FAF1: variants seen among roughly 807,000 people sequenced by gnomAD.
FAF1 encodes Fas associated factor 1, also known as FAS-associated factor 1.
FAF1 carries 25 observed loss-of-function variants against 92.5 expected under a neutral mutation model. The ratio of observed to expected loss-of-function variants is 0.27; its 90% CI spans 0.20 to 0.38. FAF1 has a LOEUF of 0.38. FAF1 is among the 10% of genes least tolerant of loss of function. The pLI is 1.00. For missense variants in FAF1, 636 were observed against 793.3 expected (o/e 0.80, Z 2.38); for synonymous variants, 234 against 273.2 (o/e 0.86, Z 1.42).
At chr1:50,737,285 C>T (rs1180381097) in intron 6 of FAF1, among the ~76,000 whole-genome samples, 1 of 152,152 alleles carries the variant, frequency 6.6e-6, no homozygotes, top group Non-Finnish European at 1.5e-5. Flanking sequence ...CTAAGGTCAG[C>T]TACATGGCAA....
chr1:50,510,026 G>A (rs1282366804), intron 15 of FAF1, among the ~76,000 whole-genome samples: 2 of 151,852 alleles, frequency 1.3e-5, no homozygotes, highest in Non-Finnish European at 2.9e-5. Context: ...AAAATTAGCC[G>A]GGTGTGGCGG....
chr1:50,522,539 A>C (rs765272744), intron 15 of FAF1, among the ~76,000 whole-genome samples: 13 of 152,178 alleles, frequency 8.5e-5, no homozygotes, highest in Non-Finnish European at 1.8e-4. Context: ...TTCCCTACAA[A>C]ATAAAAGTTT....
At chr1:50,571,176 T>C (rs1260965457) in intron 12 of FAF1, among the ~76,000 whole-genome samples, 3 of 152,202 alleles carry the variant, frequency 2.0e-5, no homozygotes, top group Admixed American at 6.5e-5. Context: ...AATGATAATA[T>C]TGGGGCATTA....
intron 7 of FAF1, among the ~76,000 whole-genome samples, chr1:50,655,977 A>G (rs1486466327): frequency 1.3e-5 from 2 of 152,196 alleles, no homozygotes; most frequent in Non-Finnish European, 2.9e-5. Context: ...CAGGGGAGGA[A>G]AAACCTAAAA....
At chr1:50,688,328 C>T (rs562173942) in intron 7 of FAF1, among the ~76,000 whole-genome samples, 5 of 152,180 alleles carry the variant, frequency 3.3e-5, no homozygotes, top group East Asian at 1.9e-4. Context: ...ATTCAGCAAT[C>T]CCATTTCTTG....
intron 17 of FAF1, among the ~76,000 whole-genome samples, chr1:50,484,469 TATA>T (rs1420013066): frequency 6.6e-6 from 1 of 152,160 alleles, no homozygotes; most frequent in African/African-American, 2.4e-5. Flanking sequence ...TCTCCATAAT[TATA>T]ATAAGGTATA....
intron 1 of FAF1, among the ~76,000 whole-genome samples, chr1:50,939,900 T>C (rs1480108075): frequency 6.6e-6 from 1 of 152,172 alleles, no homozygotes; most frequent in Non-Finnish European, 1.5e-5. Context: ...TCAATAAAAG[T>C]ACTTTTTTAT....
At chr1:50,927,690 C>CT (rs1353355941) in intron 1 of FAF1, among the ~76,000 whole-genome samples, 2 of 152,168 alleles carry the variant, frequency 1.3e-5, no homozygotes, top group Non-Finnish European at 2.9e-5. Flanking sequence ...TTCTGGAACT[C>CT]TGATTATATT....
At chr1:50,667,238 C>T (rs942929079) in intron 7 of FAF1, among the ~76,000 whole-genome samples, 5 of 152,220 alleles carry the variant, frequency 3.3e-5, no homozygotes, top group African/African-American at 1.2e-4. Context: ...TACCAAGGCT[C>T]TTCCTCTTAT....
intron 13 of FAF1, among the ~76,000 whole-genome samples, chr1:50,550,156 C>T (rs546222619): frequency 6.6e-5 from 10 of 152,026 alleles, no homozygotes; most frequent in African/African-American, 2.4e-4. Context: ...TCAAGCCCAT[C>T]CTGGCTAACA....
At chr1:50,698,403 G>A (rs1657322699) in intron 7 of FAF1, among the ~76,000 whole-genome samples, 1 of 152,112 alleles carries the variant, frequency 6.6e-6, no homozygotes, top group Admixed American at 6.6e-5. Context: ...CTTCATGCAT[G>A]AGGAGCACTG....
intron 12 of FAF1, among the ~76,000 whole-genome samples, chr1:50,573,391 G>A (rs564634326): frequency 6.6e-6 from 1 of 152,264 alleles, no homozygotes; most frequent in Non-Finnish European, 1.5e-5. Context: ...AAGCCACTGT[G>A]CCTGGCCTGA....
chr1:50,532,771 T>C (rs933087967), intron 15 of FAF1, among the ~76,000 whole-genome samples: 1 of 152,152 alleles, frequency 6.6e-6, no homozygotes, highest in African/African-American at 2.4e-5. Flanking sequence ...TGTGGATATA[T>C]TGGGTTTCAT....
chr1:50,734,086 TG>T (rs1457129014), intron 6 of FAF1, among the ~76,000 whole-genome samples: 1 of 152,208 alleles, frequency 6.6e-6, no homozygotes, highest in Non-Finnish European at 1.5e-5. Context: ...CGTGAGCCAC[TG>T]CACTCAGTCT....
chr1:50,742,777 T>C (rs1396271046), intron 5 of FAF1, among the ~76,000 whole-genome samples: 1 of 152,242 alleles, frequency 6.6e-6, no homozygotes, highest in Non-Finnish European at 1.5e-5. Flanking sequence ...TCAAGGTTGT[T>C]GATTTACTCA....
intron 8 of FAF1, among the ~76,000 whole-genome samples, chr1:50,610,414 A>G (rs1652635163): frequency 6.6e-6 from 1 of 152,338 alleles, no homozygotes; most frequent in African/African-American, 2.4e-5. Flanking sequence ...TGTTATTAAA[A>G]CTACTTAAAT....
At chr1:50,485,859 G>A (rs1646762092) in intron 17 of FAF1, among the ~76,000 whole-genome samples, 1 of 151,336 alleles carries the variant, frequency 6.6e-6, no homozygotes, top group South Asian at 2.1e-4. Flanking sequence ...TGGTGGCAGG[G>A]GAGAGAGAGA....
At chr1:50,646,695 T>A (rs865784556) in intron 8 of FAF1, among the ~76,000 whole-genome samples, 1 of 152,330 alleles carries the variant, frequency 6.6e-6, no homozygotes, top group Middle Eastern at 3.4e-3. Flanking sequence ...TGCATTTATA[T>A]ACTTCAGTTG....
At chr1:50,605,368 A>G (rs577563308) in intron 8 of FAF1, among the ~76,000 whole-genome samples, 26 of 152,206 alleles carry the variant, frequency 1.7e-4, no homozygotes, top group Non-Finnish European at 3.2e-4. Flanking sequence ...ATTAAGTTAC[A>G]CAATAAGAAA....
Sources: allele counts gnomAD v4.1 joint callset (sites outside exome capture counted in the v4.1 genomes callset), GRCh38; gene constraint gnomAD v4.1.1; transcripts MANE v1.5; gene names NCBI Gene and HGNC (gene_info 2026-07-23, HGNC 2026-07-21).